CFAP61: variants seen among roughly 807,000 people sequenced by gnomAD.
CFAP61 encodes cilia- and flagella-associated protein 61.
Under a neutral mutation model 135.6 loss-of-function variants are expected in CFAP61, and 107 were observed. That is an observed-to-expected ratio of 0.79 (90% CI 0.67 to 0.93). CFAP61 has a LOEUF of 0.93. Ranked by LOEUF, CFAP61 falls within the 40% of genes least tolerant of loss-of-function variation. The pLI is 0.00. For synonymous variants in CFAP61, 575 were observed against 578.5 expected, an observed-to-expected ratio of 0.99 and a Z score of 0.09; for missense variants, 1,507 against 1,556.2, an observed-to-expected ratio of 0.97 and a Z score of 0.53.
intron 22 of CFAP61, among the ~76,000 whole-genome samples, chr20:20,280,773 G>C (rs368084467): frequency 1.3e-4 from 20 of 152,230 alleles, no homozygotes; most frequent in African/African-American, 4.3e-4. Flanking sequence ...GGTGAATGTT[G>C]ACCTTTTTAA....
intron 26 of CFAP61, among the ~76,000 whole-genome samples, chr20:20,352,182 G>T (rs535664453): frequency 1.7e-4 from 26 of 152,158 alleles, no homozygotes; most frequent in Non-Finnish European, 3.5e-4. Flanking sequence ...TTCTCAAGGT[G>T]GCAGGAGCAT....
At chr20:20,086,055 T>A (rs1444883117) in intron 6 of CFAP61, among the ~76,000 whole-genome samples, 2 of 152,174 alleles carry the variant, frequency 1.3e-5, no homozygotes, top group South Asian at 4.1e-4. Context: ...CAGGCTTTAG[T>A]GCGTCATCTG....
At chr20:20,213,488 A>G (rs977216198) in intron 17 of CFAP61, among the ~76,000 whole-genome samples, 4 of 151,262 alleles carry the variant, frequency 2.6e-5, no homozygotes, top group South Asian at 4.2e-4. Flanking sequence ...GAAATATTTT[A>G]CCTCCATGGC....
At chr20:20,303,168 A>T (rs961363421) in intron 25 of CFAP61, among the ~76,000 whole-genome samples, 5 of 152,206 alleles carry the variant, frequency 3.3e-5, no homozygotes, top group Non-Finnish European at 7.3e-5. Flanking sequence ...TTGGTGGGGA[A>T]TGATATGCTA....
At chr20:20,071,084 A>T in intron 3 of CFAP61, 80 bp downstream of exon 3, 1 of 1,413,724 alleles carries the variant, frequency 7.1e-7, no homozygotes, top group Non-Finnish European at 9.8e-7. Context: ...TGTCTTTCCA[A>T]GTTTTGTACT....
intron 19 of CFAP61, among the ~76,000 whole-genome samples, chr20:20,248,106 C>T (rs1257818906): frequency 6.6e-6 from 1 of 152,184 alleles, no homozygotes; most frequent in Non-Finnish European, 1.5e-5. Flanking sequence ...GTCCTTGGCA[C>T]ATAGCAGATG....
chr20:20,277,498 C>T (rs761534646), intron 22 of CFAP61, 40 bp downstream of exon 22: 94 of 1,550,468 alleles, frequency 6.1e-5, no homozygotes, highest in Non-Finnish European at 7.6e-5. Context: ...CAGCCAGGGA[C>T]AGAGGACATC....
At chr20:20,101,438 C>T (rs1168591231) in intron 8 of CFAP61, among the ~76,000 whole-genome samples, 1 of 152,048 alleles carries the variant, frequency 6.6e-6, no homozygotes, top group Non-Finnish European at 1.5e-5. Flanking sequence ...AAAGCTCATC[C>T]AAGCTTTTAA....
intron 24 of CFAP61, among the ~76,000 whole-genome samples, chr20:20,292,933 A>C (rs550399325): frequency 6.7e-6 from 1 of 148,464 alleles, no homozygotes; most frequent in East Asian, 1.9e-4. Context: ...TAGAGAATCC[A>C]TCTCTCAAGG....
At chr20:20,205,791 T>C (rs2056830470) in intron 17 of CFAP61, among the ~76,000 whole-genome samples, 1 of 152,230 alleles carries the variant, frequency 6.6e-6, no homozygotes, top group Admixed American at 6.5e-5. Flanking sequence ...GGGTTTGTTG[T>C]TGCAAACCTT....
At position 20,275,444 on chromosome 20, in the gene CFAP61, C is replaced by A. The variant is rs1201132019; in HGVS notation, c.2504-1722C>A. Among the ~76,000 whole-genome samples the A allele has an allele frequency of 3.9e-5, 6 of 152,292 alleles. No individual in the cohort carries two copies. In the East Asian group the frequency reaches 1.2e-3, roughly 29 times the overall value. On this transcript the variant is annotated intron_variant, in intron 21 of 26. Coordinates refer to ENST00000245957, the MANE Select transcript of CFAP61 (RefSeq NM_015585.4). ...AGAAATAAACCTGTAATTTTGAAAT[C>A]AGATATTTTACAAAATGTATTACCT... is the stretch of plus-strand genomic sequence containing the variant.
At chr20:20,121,857 TTTCCTTTC>T (rs1405159670) in intron 8 of CFAP61, among the ~76,000 whole-genome samples, 9 of 152,180 alleles carry the variant, frequency 5.9e-5, no homozygotes, top group Admixed American at 5.9e-4. Context: ...TGACTCCTCT[TTTCCTTTC>T]TTCCTTTCTT....
In CFAP61 at chr20:20,243,843, C is replaced by G. The variant is rs548381662; in HGVS notation, c.2061-2274C>G. On this transcript the variant is annotated intron_variant, in intron 18 of 26. Coordinates refer to ENST00000245957, the MANE Select transcript of CFAP61 (RefSeq NM_015585.4). ...GCCTATGACCATGTAAAATCAAAAG[C>G]AAGTTAGCTACCTCCTAGATACAGT... Among the ~76,000 whole-genome samples, 13 of 152,264 alleles carry G rather than the reference C, an allele frequency of 8.5e-5. No homozygotes were observed. In the South Asian group the frequency reaches 2.7e-3, roughly 32 times the overall value.
chr20:20,196,561 C>T lies in CFAP61; in HGVS notation c.1591-9C>T. On this transcript the variant is annotated splice_polypyrimidine_tract_variant and intron_variant, in intron 15 of 26. Transcript: ENST00000245957. ...CTTGTAGAAACCATCCCTTCTGTCT[C>T]TTCTGTAGGACATTGAGTACATACG... 2 of 1,601,742 alleles carry T rather than the reference C, an allele frequency of 1.2e-6. No homozygotes were observed. The highest frequency in any genetic ancestry group is 1.7e-4 in the Middle Eastern group (1 of 6,040).
chr20:20,254,691 A>G (rs114978727), intron 20 of CFAP61, among the ~76,000 whole-genome samples: 2,165 of 152,276 alleles, frequency 0.014, 55 homozygotes, highest in African/African-American at 0.049. Context: ...TTTTGTCCCA[A>G]TTTTGTGATT....
intron 25 of CFAP61, among the ~76,000 whole-genome samples, chr20:20,305,138 C>G (rs551775342): frequency 6.6e-6 from 1 of 152,230 alleles, no homozygotes; most frequent in Admixed American, 6.5e-5. Flanking sequence ...CACACTTCCC[C>G]GCACACGCCG....
chr20:20,157,815 T>C (rs2053059010), intron 9 of CFAP61, among the ~76,000 whole-genome samples: 1 of 152,192 alleles, frequency 6.6e-6, no homozygotes, highest in African/African-American at 2.4e-5. Context: ...AAAAGTACTT[T>C]AAGAGAATGA....
chr20:20,351,343 G>A (rs1395459530), intron 26 of CFAP61, among the ~76,000 whole-genome samples: 1 of 152,180 alleles, frequency 6.6e-6, no homozygotes, highest in East Asian at 1.9e-4. Context: ...CACCTTGAGA[G>A]GCCAAGGCGG....
chr20:20,337,565 GATGGATGGATGGATAGAT>G (rs1318203541), intron 25 of CFAP61, among the ~76,000 whole-genome samples: 120 of 1,944 alleles, frequency 0.062, 4 homozygotes, highest in Middle Eastern at 0.17. Context: ...TGGATGGATG[GATGGATGGATGGATAGAT>G]GTGGGTGGAT....
Sources: allele counts gnomAD v4.1 joint callset (sites outside exome capture counted in the v4.1 genomes callset), GRCh38; gene constraint gnomAD v4.1.1; transcripts MANE v1.5; gene names NCBI Gene and HGNC (gene_info 2026-07-23, HGNC 2026-07-21).